The following FRMD4A variants were observed in gnomAD, a reference collection of about 807,000 sequenced individuals.
FRMD4A encodes FERM domain containing 4A, also known as FERM domain-containing protein 4A.
Under a neutral mutation model 129.1 loss-of-function variants are expected in FRMD4A, and 29 were observed. The ratio of observed to expected loss-of-function variants is 0.22; its 90% confidence interval spans 0.17 to 0.31. FRMD4A has a LOEUF of 0.31. FRMD4A is among the 10% of genes least tolerant of loss of function. The pLI is 1.00. For missense variants in FRMD4A, 1,272 were observed against 1,375.8 expected (o/e 0.92, Z 1.19); for synonymous variants, 634 against 571.6 (o/e 1.11, Z -1.56).
At chr10:13,846,759 C>T (rs536631780) in intron 3 of FRMD4A, among the ~76,000 whole-genome samples, 3 of 152,238 alleles carry the variant, frequency 2.0e-5, no homozygotes, top group East Asian at 3.9e-4. Flanking sequence ...TGGAGGAACT[C>T]GAGAGTCAAA....
At chr10:14,015,376 C>T (rs1194486278) in intron 2 of FRMD4A, among the ~76,000 whole-genome samples, 2 of 149,318 alleles carry the variant, frequency 1.3e-5, no homozygotes, top group African/African-American at 5.0e-5. Flanking sequence ...TCCTTCCTTC[C>T]TTTTTCTCTT....
chr10:13,774,692 C>T (rs1392260608), intron 6 of FRMD4A, among the ~76,000 whole-genome samples: 6 of 152,150 alleles, frequency 3.9e-5, no homozygotes, highest in Non-Finnish European at 7.4e-5. Context: ...ACTGGGGGAC[C>T]ATCCCACCCT....
chr10:13,761,267 A>T (rs2092062271), intron 8 of FRMD4A, among the ~76,000 whole-genome samples: 1 of 152,222 alleles, frequency 6.6e-6, no homozygotes, highest in Non-Finnish European at 1.5e-5. Flanking sequence ...CATTGAGAGA[A>T]AAAAAGATGT....
At chr10:14,030,930 C>A (rs527499324) in intron 2 of FRMD4A, among the ~76,000 whole-genome samples, 24 of 152,222 alleles carry the variant, frequency 1.6e-4, no homozygotes, top group Non-Finnish European at 2.2e-4. Flanking sequence ...GCACCCACAA[C>A]CCCTGACCAG....
rs566579343 is a variant in FRMD4A, at chr10:13,651,654, C to A, written c.*2+249G>T. On this transcript the variant is annotated intron_variant, in intron 24 of 24. Transcript: ENST00000357447. ...TGCCACTGCACTCCAGCCTGGGCAA[C>A]AGAACAAGACTCTGTCTCAAAACAA... 583 of 458,192 alleles carry A rather than the reference C, an allele frequency of 1.3e-3. 4 individuals are homozygous for A. Among genetic ancestry groups the A allele is most frequent in the African/African-American group, 7.9e-3 (395 of 50,236 alleles). The allele number at this position is 458,192 out of a possible 1,614,324, so 28.4% of individuals were successfully genotyped here.
Position 13,796,551 on chromosome 10 carries a change from A to G in FRMD4A, c.244T>C (p.Leu82=), listed in dbSNP as rs777027152. ...GACTTTTTAGGGAAGTCATGTTCCA[A>G]TACTCTTCGATCTAGCTGAAGCCAG... ...LNWLQLDRRV[L]EHDFPKKSGP... Residue 82 remains leucine, a synonymous_variant, in exon 5 of 25, where the codon TTG becomes CTG. Coordinates refer to ENST00000357447, the MANE Select transcript of FRMD4A (RefSeq NM_018027.5). 6.2e-7 allele frequency: 1 copy of G among 1,603,668 alleles called. No homozygotes were observed. The highest frequency in any genetic ancestry group is 1.3e-5 in the African/African-American group (1 of 74,716).
intron 2 of FRMD4A, among the ~76,000 whole-genome samples, chr10:13,892,953 A>T (rs1465948473): frequency 6.6e-6 from 1 of 152,226 alleles, no homozygotes; most frequent in East Asian, 1.9e-4. Context: ...AGGCCTCACC[A>T]TCAATAGAAA....
chr10:13,884,138 ACACACTCT>A (rs879838423), intron 2 of FRMD4A, among the ~76,000 whole-genome samples: 2,101 of 22,986 alleles, frequency 0.091, 51 homozygotes, highest in Middle Eastern at 0.14. Flanking sequence ...ACACGCTCAC[ACACACTCT>A]CACACACTCT....
At chr10:14,007,211 G>T (rs2095665247) in intron 2 of FRMD4A, 1 of 152,180 alleles carries the variant, frequency 6.6e-6, no homozygotes, top group Admixed American at 6.5e-5. Context: ...CTTAACTGAA[G>T]ACGTCTATGT....
chr10:13,848,620 G>GTGTGTGTA (rs1325958609), intron 3 of FRMD4A, among the ~76,000 whole-genome samples: 1 of 123,648 alleles, frequency 8.1e-6, no homozygotes, highest in Non-Finnish European at 1.9e-5. Context: ...GTGTGTGTGT[G>GTGTGTGTA]TGTGTGTGTG....
intron 5 of FRMD4A, among the ~76,000 whole-genome samples, chr10:13,794,658 G>C (rs1020558800): frequency 2.0e-5 from 3 of 152,202 alleles, no homozygotes; most frequent in African/African-American, 7.2e-5. Flanking sequence ...CATTCTGCCA[G>C]ATGGCGTGTA....
chr10:13,856,703 T>A (rs1296899829), intron 3 of FRMD4A, among the ~76,000 whole-genome samples: 1 of 152,170 alleles, frequency 6.6e-6, no homozygotes, highest in African/African-American at 2.4e-5. Context: ...GGAAAGAACA[T>A]GAACTTCTCT....
chr10:14,248,224 A>T (rs1844313540), intron 2 of FRMD4A, among the ~76,000 whole-genome samples: 1 of 152,128 alleles, frequency 6.6e-6, no homozygotes, highest in Non-Finnish European at 1.5e-5. Context: ...ATATAAGGAG[A>T]CCCATCTTCT....
chr10:14,277,538 G>C (rs1218364), intron 2 of FRMD4A, among the ~76,000 whole-genome samples: 93,589 of 152,094 alleles, frequency 0.62, 30,164 homozygotes, highest in African/African-American at 0.82. Flanking sequence ...TCCCAGCCTC[G>C]AGAACTGTGA....
chr10:14,239,050 G>A (rs1843936324), intron 2 of FRMD4A, among the ~76,000 whole-genome samples: 1 of 152,088 alleles, frequency 6.6e-6, no homozygotes, highest in South Asian at 2.1e-4. Flanking sequence ...TCAATATTGA[G>A]AACACAGAAA....
intron 2 of FRMD4A, among the ~76,000 whole-genome samples, chr10:14,066,103 C>A (rs1835047795): frequency 6.7e-6 from 1 of 149,138 alleles, no homozygotes; most frequent in Non-Finnish European, 1.5e-5. Context: ...GCAGTATATC[C>A]TTTGGACGTG....
chr10:13,895,682 C>A (rs1339452245), intron 2 of FRMD4A, among the ~76,000 whole-genome samples: 2 of 152,182 alleles, frequency 1.3e-5, no homozygotes, highest in Non-Finnish European at 2.9e-5. Context: ...TCTAATCCAA[C>A]TAAAGAGCTT....
chr10:14,164,074 T>A (rs1015783570), intron 2 of FRMD4A, among the ~76,000 whole-genome samples: 5 of 152,216 alleles, frequency 3.3e-5, no homozygotes, highest in African/African-American at 1.2e-4. Context: ...TAATGTCTCC[T>A]GGGCCAACAG....
intron 4 of FRMD4A, among the ~76,000 whole-genome samples, chr10:13,808,192 C>T (rs1039372597): frequency 2.0e-5 from 3 of 152,166 alleles, no homozygotes; most frequent in Non-Finnish European, 4.4e-5. Context: ...GTGCTTTCCA[C>T]GTGATAGCCT....
Sources: gnomAD v4.1 joint callset for allele counts (sites outside exome capture counted in the v4.1 genomes callset) on GRCh38, gnomAD v4.1.1 for gene constraint, MANE v1.5 for transcripts, NCBI Gene and HGNC (gene_info 2026-07-23, HGNC 2026-07-21) for gene names.